Variants in RBMS1 observed in about 807,000 individuals in gnomAD.
The protein encoded by RBMS1 is RNA-binding motif, single-stranded-interacting protein 1.
RBMS1 carries 17 observed loss-of-function variants against 62.3 expected under a neutral mutation model. The ratio of observed to expected loss-of-function variants is 0.27; its 90% CI spans 0.19 to 0.41. The LOEUF (loss-of-function observed/expected upper bound fraction) is 0.41. Among genes scored for constraint, RBMS1 ranks in the 10% least tolerant of loss-of-function variants. The pLI, the probability that RBMS1 is intolerant of heterozygous loss-of-function variation, is 1.00. For synonymous variants in RBMS1, 172 were observed against 170.0 expected (o/e 1.01, Z -0.09); for missense variants, 334 against 504.5 (o/e 0.66, Z 3.24).
chr2:160,390,463 G>A (rs897932655), intron 1 of RBMS1, among the ~76,000 whole-genome samples: 5 of 152,202 alleles, frequency 3.3e-5, no homozygotes, highest in Admixed American at 2.0e-4. Flanking sequence ...GGCCAAGGCA[G>A]GAGGATCACT....
intron 9 of RBMS1, chr2:160,284,497 A>C: frequency 2.4e-6 from 1 of 412,538 alleles, no homozygotes. Flanking sequence ...GTCCAAAAGC[A>C]GGGCCCCTTG....
At chr2:160,306,574 C>T (rs1052204375) in intron 4 of RBMS1, among the ~76,000 whole-genome samples, 10 of 151,076 alleles carry the variant, frequency 6.6e-5, no homozygotes, top group East Asian at 1.9e-4. Context: ...TCTTTTCAAA[C>T]GGTCAACATA....
intron 2 of RBMS1, among the ~76,000 whole-genome samples, chr2:160,354,984 C>A (rs1692716913): frequency 6.6e-6 from 1 of 152,080 alleles, no homozygotes; most frequent in East Asian, 1.9e-4. Context: ...TCCTTTCCTC[C>A]CACTCAGTTC....
chr2:160,428,997 A>G (rs1001422958), intron 1 of RBMS1, among the ~76,000 whole-genome samples: 5 of 152,186 alleles, frequency 3.3e-5, no homozygotes, highest in Non-Finnish European at 7.3e-5. Context: ...GTGCTTTCCA[A>G]GCTGCACTTT....
chr2:160,422,400 C>G (rs1387199759), intron 1 of RBMS1, among the ~76,000 whole-genome samples: 1 of 152,196 alleles, frequency 6.6e-6, no homozygotes, highest in Non-Finnish European at 1.5e-5. Flanking sequence ...ATTCTTCCAT[C>G]TATTCTGTAC....
At chr2:160,282,285 T>C in intron 9 of RBMS1, 1 of 1,367,918 alleles carries the variant, frequency 7.3e-7, no homozygotes, top group Non-Finnish European at 9.8e-7. Flanking sequence ...ATACTTGTTT[T>C]CTCTGGTTTC....
At position 160,438,318 on chromosome 2, in the gene RBMS1, G is replaced by T. The variant is rs1683205841; in HGVS notation, c.75+54971C>A. Among the ~76,000 whole-genome samples the T allele has an allele frequency of 2.0e-5, 3 of 150,596 alleles. No individual in the cohort carries two copies. In the South Asian group the frequency reaches 6.3e-4, roughly 32 times the overall value. Reference sequence around the variant, plus strand: ...GGTGTTTCTCGCAGAGGGGGATTTGGCAGGGTCACAGGACAATAGTGGAGG... The same window carrying T: ...GGTGTTTCTCGCAGAGGGGGATTTGTCAGGGTCACAGGACAATAGTGGAGG... On this transcript the variant is annotated intron_variant, in intron 1 of 13. Transcript: ENST00000348849.
intron 2 of RBMS1, among the ~76,000 whole-genome samples, chr2:160,339,585 T>C (rs1410194761): frequency 6.6e-6 from 1 of 152,170 alleles, no homozygotes; most frequent in East Asian, 1.9e-4. Flanking sequence ...CACACCATGA[T>C]GTGTCTTTTA....
chr2:160,471,691 G>GTGTGTATGTATA (rs1275928756), intron 1 of RBMS1, among the ~76,000 whole-genome samples: 3 of 65,946 alleles, frequency 4.5e-5, no homozygotes, highest in Non-Finnish European at 9.5e-5. Flanking sequence ...ATCCTTTGGT[G>GTGTGTATGTATA]TATATATATA....
At chr2:160,400,488 C>T (rs1695378705) in intron 1 of RBMS1, among the ~76,000 whole-genome samples, 1 of 151,924 alleles carries the variant, frequency 6.6e-6, no homozygotes, top group Non-Finnish European at 1.5e-5. Flanking sequence ...TGGCTTGTCA[C>T]ATTTAATACA....
intron 1 of RBMS1, among the ~76,000 whole-genome samples, chr2:160,430,847 C>T (rs1017054684): frequency 3.3e-5 from 5 of 152,062 alleles, no homozygotes; most frequent in African/African-American, 1.2e-4. Context: ...TGCTTATTCT[C>T]ATTGTAGACA....
At chr2:160,467,725 A>G (rs1684753173) in intron 1 of RBMS1, among the ~76,000 whole-genome samples, 1 of 152,172 alleles carries the variant, frequency 6.6e-6, no homozygotes, top group East Asian at 1.9e-4. Context: ...ATGTACCACT[A>G]ATAAATTTTT....
chr2:160,405,307 A>G (rs1227335226), intron 1 of RBMS1, among the ~76,000 whole-genome samples: 1 of 150,466 alleles, frequency 6.6e-6, no homozygotes, highest in Non-Finnish European at 1.5e-5. Context: ...ACAGCTGATT[A>G]TGTATTTCTA....
chr2:160,492,630 T>C (rs1478230043), intron 1 of RBMS1, among the ~76,000 whole-genome samples: 2 of 152,228 alleles, frequency 1.3e-5, no homozygotes, highest in Non-Finnish European at 2.9e-5. Flanking sequence ...GGGACATCAA[T>C]GAACGCGAGT....
At chr2:160,468,679 G>A (rs1684795844) in intron 1 of RBMS1, among the ~76,000 whole-genome samples, 1 of 152,082 alleles carries the variant, frequency 6.6e-6, no homozygotes, top group East Asian at 1.9e-4. Context: ...ACTTCTATTT[G>A]GGGCAGGAAA....
At chr2:160,482,526 C>A (rs1310053839) in intron 1 of RBMS1, among the ~76,000 whole-genome samples, 1 of 152,154 alleles carries the variant, frequency 6.6e-6, no homozygotes, top group African/African-American at 2.4e-5. Context: ...TAAGTATTTA[C>A]TGAATTTAAT....
chr2:160,471,275 G>A (rs576505368), intron 1 of RBMS1, among the ~76,000 whole-genome samples: 3 of 152,228 alleles, frequency 2.0e-5, no homozygotes, highest in Non-Finnish European at 2.9e-5. Context: ...ATTCAAGTGC[G>A]TGTAAATTGG....
chr2:160,378,741 A>G (rs1253311563), intron 1 of RBMS1, among the ~76,000 whole-genome samples: 4 of 152,212 alleles, frequency 2.6e-5, no homozygotes, highest in African/African-American at 9.6e-5. Flanking sequence ...ACCCATGGTC[A>G]TGTCTCCCTA....
intron 10 of RBMS1, 143 bp from the exon 11 acceptor site, chr2:160,278,801 A>G: frequency 1.7e-6 from 1 of 591,678 alleles, no homozygotes; most frequent in South Asian, 2.2e-5. Flanking sequence ...AAATGGCATC[A>G]TAAACAGTTT....
Sources: gnomAD v4.1 joint callset for allele counts (sites outside exome capture counted in the v4.1 genomes callset) on GRCh38, gnomAD v4.1.1 for gene constraint, MANE v1.5 for transcripts, NCBI Gene and HGNC (gene_info 2026-07-23, HGNC 2026-07-21) for gene names.